Variants in EMILIN2 observed in about 807,000 individuals in gnomAD.
EMILIN2 encodes EMILIN-2.
A neutral mutation model predicts 87.1 loss-of-function variants in EMILIN2; 71 were observed. That is an observed-to-expected ratio of 0.82 (90% CI 0.67 to 0.99). The LOEUF (loss-of-function observed/expected upper bound fraction) is 0.99. EMILIN2 is among the 50% of genes least tolerant of loss of function. The probability of loss-of-function intolerance (pLI) is 0.00; values close to 1 mark genes in which losing one functional copy is unlikely to be tolerated. For synonymous variants in EMILIN2, 581 were observed against 563.4 expected (o/e 1.03, Z -0.44); for missense variants, 1,407 against 1,371.8 (o/e 1.03, Z -0.40).
Position 2,901,081 on chromosome 18 carries a change from A to C in EMILIN2, c.2360-5702A>C, listed in dbSNP as rs139925080. Among the ~76,000 whole-genome samples, 411 of 152,298 alleles carry C rather than the reference A, an allele frequency of 2.7e-3. 2 individuals are homozygous for C. The highest frequency in any genetic ancestry group is 8.7e-3 in the African/African-American group (361 of 41,568). On this transcript the variant is annotated intron_variant, in intron 4 of 7. Coordinates refer to ENST00000254528, the MANE Select transcript of EMILIN2 (RefSeq NM_032048.3). ...TCCATTGCTTGGTCTGATTGGCATC[A>C]ATTTCTGCCTGGATGACAGGAGGGC... is the stretch of plus-strand genomic sequence containing the variant.
intron 7 of EMILIN2, among the ~76,000 whole-genome samples, chr18:2,910,422 G>A (rs775087822): frequency 1.2e-4 from 18 of 152,154 alleles, no homozygotes; most frequent in Non-Finnish European, 1.8e-4. Context: ...GTTTACCTCC[G>A]AGTTCCCTGT....
chr18:2,913,652 A>G lies in EMILIN2; in HGVS notation c.*248A>G, dbSNP rs1185322462. The G allele has an allele frequency of 2.1e-6, 1 of 477,152 alleles. No homozygotes were observed. The highest frequency in any genetic ancestry group is 3.7e-6 in the Non-Finnish European group (1 of 268,618). The allele number at this position is 477,152 out of a possible 1,614,324, so 29.6% of individuals were successfully genotyped here. On this transcript the variant is annotated 3_prime_UTR_variant, in exon 8 of 8. Transcript: ENST00000254528. ...TAACTGGACAACTGGAAGACTTGGA[A>G]AGGCCTCCACCTGTATCTACACTCT...
chr18:2,885,140 G>T lies in EMILIN2; in HGVS notation c.433+1G>T. On this transcript the variant is annotated splice_donor_variant, in intron 3 of 7. Coordinates refer to ENST00000254528, the MANE Select transcript of EMILIN2 (RefSeq NM_032048.3). LOFTEE classifies it high-confidence loss of function. ...CGAAACAGCTTGAAGAAAGCCACAGGTAACTTCTTATTTGTGCTATTATGT... is the reference window on the plus strand; with the variant it reads ...CGAAACAGCTTGAAGAAAGCCACAGTTAACTTCTTATTTGTGCTATTATGT... 6.3e-7 allele frequency: 1 copy of T among 1,599,524 alleles called. No individual in the cohort carries two copies. The highest frequency in any genetic ancestry group is 8.5e-7 in the Non-Finnish European group (1 of 1,174,102).
At chr18:2,868,283 C>T (rs184081094) in intron 2 of EMILIN2, among the ~76,000 whole-genome samples, 2,424 of 151,776 alleles carry the variant, frequency 0.016, 62 homozygotes, top group African/African-American at 0.055. Flanking sequence ...GATGGGATGG[C>T]GGCGGGGAAG....
At position 2,891,737 on chromosome 18, in the gene EMILIN2, T is replaced by C. The variant is rs936019603; in HGVS notation, c.1610T>C (p.Met537Thr). 4 of 1,614,100 alleles carry C rather than the reference T, an allele frequency of 2.5e-6. No individual in the cohort carries two copies. The African/African-American group carries it at 5.3e-5, about 22-fold the overall frequency. Residue 537 changes from methionine (M) to threonine (T), a missense_variant, in exon 4 of 8, where the codon ATG (methionine) becomes ACG (threonine). By Grantham distance (81) the Met-to-Thr change is moderately conservative (BLOSUM62 -1). Coordinates refer to ENST00000254528, the MANE Select transcript of EMILIN2 (RefSeq NM_032048.3). The surrounding 1 kb of genome is among the most constrained non-coding windows in gnomAD (Gnocchi z 4.6). ...GGGTCAGGAGATGAACGGGTCATGA[T>C]GGAATTAAACCACCTGAAGGACAAA... The part of the protein sequence containing the change: ...VSGSGDERVM[M>T]ELNHLKDKVQ...
Position 2,890,452 on chromosome 18 carries a change from T to C in EMILIN2, c.434-109T>C. 1 of 1,321,268 alleles carries C rather than the reference T, an allele frequency of 7.6e-7. No individual in the cohort carries two copies. The highest frequency in any genetic ancestry group is 1.0e-6 in the Non-Finnish European group (1 of 966,968). The allele number at this position is 1,321,268 out of a possible 1,614,324, so 81.8% of individuals were successfully genotyped here. On this transcript the variant is annotated intron_variant, in intron 3 of 7. Coordinates refer to ENST00000254528, the MANE Select transcript of EMILIN2 (RefSeq NM_032048.3). The surrounding 1 kb of genome is among the most constrained non-coding windows in gnomAD (Gnocchi z 4.7). ...ACTTACCTACAATTGTGTAGTGACC[T>C]GTAAGTGAAGATGTACATGTATTTT...
chr18:2,852,010 C>T (rs544409337), intron 2 of EMILIN2, among the ~76,000 whole-genome samples: 31 of 152,280 alleles, frequency 2.0e-4, no homozygotes, highest in Non-Finnish European at 4.1e-4. Context: ...CCCTCTGTCT[C>T]TATAGCAATG....
intron 4 of EMILIN2, among the ~76,000 whole-genome samples, chr18:2,901,589 AGGCCT>A (rs2144058416): frequency 6.6e-6 from 1 of 152,374 alleles, no homozygotes; most frequent in South Asian, 2.1e-4. Context: ...AGTGTCAGGC[AGGCCT>A]GGTGCAGTGT....
Position 2,858,545 on chromosome 18 carries a change from A to G in EMILIN2, c.257+10614A>G, listed in dbSNP as rs369365385. Reference sequence around the variant, plus strand: ...ATCATATATATATATATATATATATATATATATATATATATATATATATAT... The same window carrying G: ...ATCATATATATATATATATATATATGTATATATATATATATATATATATAT... On this transcript the variant is annotated intron_variant, in intron 2 of 7. Coordinates refer to ENST00000254528, the MANE Select transcript of EMILIN2 (RefSeq NM_032048.3). Among the ~76,000 whole-genome samples the G allele has an allele frequency of 3.8e-3, 176 of 46,480 alleles. 8 individuals are homozygous for G. The highest frequency in any genetic ancestry group is 4.5e-3 in the Non-Finnish European group (129 of 28,364). 30.5% of individuals were successfully genotyped at this position (46,480 alleles called of 152,430 possible).
At position 2,856,666 on chromosome 18, in the gene EMILIN2, T is replaced by A. The variant is rs117281099; in HGVS notation, c.257+8735T>A. 4.1e-4 allele frequency among the ~76,000 whole-genome samples: 63 copies of A among 152,336 alleles called. 1 individual carries two copies. The highest frequency in any genetic ancestry group is 3.7e-3 in the South Asian group (18 of 4,832). Reference sequence around the variant, plus strand: ...GAAACCGTACCAGTGGTGAGGTTCCTTCTAGTCTCCCACACAAATGTTCTG... The same window carrying A: ...GAAACCGTACCAGTGGTGAGGTTCCATCTAGTCTCCCACACAAATGTTCTG... On this transcript the variant is annotated intron_variant, in intron 2 of 7. Transcript: ENST00000254528.
intron 4 of EMILIN2, 66 bp from the exon 5 acceptor site, chr18:2,906,717 C>A: frequency 8.5e-7 from 1 of 1,177,804 alleles, no homozygotes; most frequent in South Asian, 3.8e-5. Context: ...GGAGGGGACC[C>A]TGACGGGGCA....
In EMILIN2 at chr18:2,894,164, G is replaced by T. The variant is rs2076852513; in HGVS notation, c.2359+1678G>T. Among the ~76,000 whole-genome samples, 1 of 152,182 alleles carries T rather than the reference G, an allele frequency of 6.6e-6. No individual in the cohort carries two copies. Among genetic ancestry groups the T allele is most frequent in the Non-Finnish European group, 1.5e-5 (1 of 68,034 alleles). ...CAGATGAGACATAAAACCCAAGGCA[G>T]CGTAGGCTAGAACGTGGGAAGCAGG... On this transcript the variant is annotated intron_variant, in intron 4 of 7. Transcript: ENST00000254528. The surrounding 1 kb of genome is among the most constrained non-coding windows in gnomAD (Gnocchi z 5.0).
chr18:2,909,874 G>A, intron 7 of EMILIN2, 55 bp downstream of exon 7: 1 of 1,587,218 alleles, frequency 6.3e-7, no homozygotes, highest in Non-Finnish European at 8.5e-7. Context: ...AACGCAGGTG[G>A]GACCCCTCCC....
chr18:2,877,434 C>A (rs1469990392), intron 2 of EMILIN2, among the ~76,000 whole-genome samples: 3 of 81,550 alleles, frequency 3.7e-5, no homozygotes, highest in Non-Finnish European at 4.4e-5. Flanking sequence ...CATTGACTGA[C>A]AGTTTTTTTT....
rs200574377 is a variant in EMILIN2, at chr18:2,890,861, C to T, written c.734C>T (p.Thr245Met). The T allele has an allele frequency of 1.7e-5, 28 of 1,613,842 alleles. No individual in the cohort carries two copies. The East Asian group carries it at 1.8e-4, about 10-fold the overall frequency. ...PDTTVSGDTE[T>M]GQSPGVFNTK... ...ACCACTGTTAGTGGAGACACAGAAA[C>T]GGGCCAGAGTCCTGGTGTCTTCAAC... The change falls in exon 4 of 8, where the codon ACG (threonine) becomes ATG (methionine). Residue 245 changes from threonine (T) to methionine (M), a missense_variant. Transcript: ENST00000254528. This position sits in a 1 kb window ranked among gnomAD's most constrained non-coding sequence, Gnocchi z 4.7.
At chr18:2,857,608 T>G (rs2076634565) in intron 2 of EMILIN2, among the ~76,000 whole-genome samples, 2 of 152,082 alleles carry the variant, frequency 1.3e-5, no homozygotes, top group Non-Finnish European at 2.9e-5. Context: ...GTGGGACGAG[T>G]TTTGCAATCC....
intron 2 of EMILIN2, among the ~76,000 whole-genome samples, chr18:2,858,583 G>GTGTGTGTGTGTGTGTGTATATA (rs1180735843): frequency 1.6e-5 from 1 of 63,042 alleles, no homozygotes; most frequent in African/African-American, 9.3e-5. Flanking sequence ...GTGTGTGTGT[G>GTGTGTGTGTGTGTGTGTATATA]TATATATATA....
chr18:2,884,815 C>A, intron 2 of EMILIN2, 149 bp from the exon 3 acceptor site: 1 of 712,590 alleles, frequency 1.4e-6, no homozygotes, highest in Non-Finnish European at 2.1e-6. Context: ...CCAGTCAGAT[C>A]TGGACTGAGG....
intron 2 of EMILIN2, among the ~76,000 whole-genome samples, chr18:2,862,622 C>T (rs2076666701): frequency 6.6e-6 from 1 of 152,162 alleles, no homozygotes; most frequent in South Asian, 2.1e-4. Flanking sequence ...TTCGGTTTGC[C>T]AGTATTTTAT....
Sources: gnomAD v4.1 joint callset for allele counts (sites outside exome capture counted in the v4.1 genomes callset) on GRCh38, gnomAD v4.1.1 for gene constraint, Gnocchi (gnomAD v3.1) non-coding constraint, MANE v1.5 for transcripts, NCBI Gene and HGNC (gene_info 2026-07-23, HGNC 2026-07-21) for gene names.